RHOQ: variants seen among roughly 807,000 people sequenced by gnomAD.
RHOQ encodes rho-related GTP-binding protein RhoQ.
In RHOQ, 7 loss-of-function variants were observed where a neutral mutation model predicts 25.8. The observed-to-expected ratio is 0.27, with a 90% CI of 0.15 to 0.51. The LOEUF is 0.51. Ranked by LOEUF, RHOQ falls within the 20% of genes least tolerant of loss-of-function variation. The probability of loss-of-function intolerance (pLI) is 0.97; values close to 1 mark genes in which losing one functional copy is unlikely to be tolerated. For synonymous variants in RHOQ, 97 were observed against 98.6 expected, an observed-to-expected ratio of 0.98 and a Z score of 0.10; for missense variants, 165 against 260.6, an observed-to-expected ratio of 0.63 and a Z score of 2.53.
intron 2 of RHOQ, among the ~76,000 whole-genome samples, chr2:46,544,857 C>G (rs1465642657): frequency 6.6e-6 from 1 of 152,188 alleles, no homozygotes. Context: ...ATAAGATGAT[C>G]CCCTGGTGCA....
rs559692231 is a variant in RHOQ at position 46,581,520 on chromosome 2, C to A, written c.*437C>A. On this transcript the variant is annotated 3_prime_UTR_variant, in exon 5 of 5. Coordinates refer to ENST00000238738, the MANE Select transcript of RHOQ (RefSeq NM_012249.4). ...TAAGTTGCTTTCTATTCCAGTATAT[C>A]CAGAGTGGTGAAATAACAAGGCCAG... is the stretch of plus-strand genomic sequence containing the variant. The A allele has an allele frequency of 3.4e-5, 54 of 1,611,564 alleles. No individual in the cohort carries two copies. The African/African-American group carries it at 6.1e-4, about 18-fold the overall frequency.
Position 46,583,765 on chromosome 2 carries a change from G to A in RHOQ, c.*2682G>A, listed in dbSNP as rs546985414. Among the ~76,000 whole-genome samples, 1 of 152,028 alleles carries A rather than the reference G, an allele frequency of 6.6e-6. No individual in the cohort carries two copies. The highest frequency in any genetic ancestry group is 1.5e-5 in the Non-Finnish European group (1 of 67,990). ...ACTATTTCAAACTAGTGAAATATCT[G>A]GGAAATAAACTGCTTCAAAAATATT... On this transcript the variant is annotated 3_prime_UTR_variant, in exon 5 of 5. Transcript: ENST00000238738.
intron 2 of RHOQ, among the ~76,000 whole-genome samples, chr2:46,549,788 G>A (rs1269254661): frequency 2.0e-5 from 3 of 152,136 alleles, no homozygotes; most frequent in East Asian, 3.9e-4. Context: ...CGGCTCCCTG[G>A]GTAGAACGCT....
intron 4 of RHOQ, among the ~76,000 whole-genome samples, chr2:46,578,893 C>T (rs1558694303): frequency 8.2e-6 from 1 of 122,024 alleles, no homozygotes; most frequent in Non-Finnish European, 1.7e-5. Flanking sequence ...AATCATTTCA[C>T]TCGTGTGTGT....
chr2:46,561,955 A>T (rs1278569979), intron 2 of RHOQ, among the ~76,000 whole-genome samples: 3 of 152,134 alleles, frequency 2.0e-5, no homozygotes, highest in Admixed American at 2.0e-4. Flanking sequence ...CACTGTTCTC[A>T]TGACATCCCC....
intron 1 of RHOQ, 149 bp from the exon 2 acceptor site, chr2:46,543,605 C>G (rs2103972789): frequency 1.4e-6 from 1 of 691,258 alleles, no homozygotes; most frequent in Non-Finnish European, 2.6e-6. Context: ...AGTGAGCTGG[C>G]CGCACGGGAA....
At chr2:46,561,001 A>AACACACACACAC (rs61040858) in intron 2 of RHOQ, among the ~76,000 whole-genome samples, 1 of 141,256 alleles carries the variant, frequency 7.1e-6, no homozygotes, top group African/African-American at 2.6e-5. Context: ...AGACCCCATA[A>AACACACACACAC]ACACACACAC....
intron 2 of RHOQ, among the ~76,000 whole-genome samples, chr2:46,559,294 C>T (rs1668497174): frequency 6.6e-6 from 1 of 152,110 alleles, no homozygotes; most frequent in Admixed American, 6.5e-5. Flanking sequence ...CTGTACCTGT[C>T]TAGTTTGTTT....
At chr2:46,561,582 G>A (rs1458589165) in intron 2 of RHOQ, among the ~76,000 whole-genome samples, 1 of 152,136 alleles carries the variant, frequency 6.6e-6, no homozygotes. Flanking sequence ...GTGCCTTGAT[G>A]GAGAGATTAA....
intron 4 of RHOQ, among the ~76,000 whole-genome samples, chr2:46,578,568 C>CA (rs1669220527): frequency 3.1e-5 from 1 of 32,108 alleles, no homozygotes; most frequent in Non-Finnish European, 6.4e-5. Context: ...CCCATCTCTA[C>CA]CAAAAAAAAA....
chr2:46,581,410 T>C lies in RHOQ; in HGVS notation c.*327T>C. On this transcript the variant is annotated 3_prime_UTR_variant, in exon 5 of 5. Coordinates refer to ENST00000238738, the MANE Select transcript of RHOQ (RefSeq NM_012249.4). Reference sequence around the variant, plus strand: ...AGAGCTGTAAATGGAACTGCTTGGCTTTGACCATACACATTTCTGCCCAGC... The same window carrying C: ...AGAGCTGTAAATGGAACTGCTTGGCCTTGACCATACACATTTCTGCCCAGC... The C allele has an allele frequency of 6.4e-7, 1 of 1,564,820 alleles. No individual in the cohort carries two copies. The highest frequency in any genetic ancestry group is 8.7e-7 in the Non-Finnish European group (1 of 1,154,106).
chr2:46,562,914 C>T (rs973044506), intron 2 of RHOQ, among the ~76,000 whole-genome samples: 1 of 152,108 alleles, frequency 6.6e-6, no homozygotes, highest in African/African-American at 2.4e-5. Flanking sequence ...TTACTCTGCC[C>T]CAAATCTGCT....
intron 2 of RHOQ, among the ~76,000 whole-genome samples, chr2:46,549,139 T>A (rs570773219): frequency 6.6e-6 from 1 of 152,236 alleles, no homozygotes; most frequent in East Asian, 1.9e-4. Context: ...CTCCTGAGGT[T>A]TGGTGACATT....
Position 46,580,870 on chromosome 2 carries a change from T to C in RHOQ, c.463-58T>C, listed in dbSNP as rs532715658. The C allele has an allele frequency of 1.5e-5, 18 of 1,233,786 alleles. No homozygotes were observed. In the Admixed American group the frequency reaches 2.6e-4, roughly 18 times the overall value. The allele number at this position is 1,233,786 out of a possible 1,614,324, so 76.4% of individuals were successfully genotyped here. On this transcript the variant is annotated intron_variant, in intron 4 of 4. Coordinates refer to ENST00000238738, the MANE Select transcript of RHOQ (RefSeq NM_012249.4). ...TTTTCTTTATAATGATGTGTTTATG[T>C]CATGCCAATTGTATAAACATGATCT...
rs576806404 is a variant in RHOQ at position 46,569,915 on chromosome 2, A to C, written c.202-6172A>C. ...ACCTAAAAAAACCTTTCTCTTCCCCAAAATTTTCTTTAGTCCAAGAGTGCT... is the reference window on the plus strand; with the variant it reads ...ACCTAAAAAAACCTTTCTCTTCCCCCAAATTTTCTTTAGTCCAAGAGTGCT... On this transcript the variant is annotated intron_variant, in intron 2 of 4. Transcript: ENST00000238738. This position sits in a 1 kb window ranked among gnomAD's most constrained non-coding sequence, Gnocchi z 4.1. 5.9e-5 allele frequency among the ~76,000 whole-genome samples: 9 copies of C among 152,294 alleles called. No homozygotes were observed. The highest frequency in any genetic ancestry group is 1.9e-4 in the African/African-American group (8 of 41,582).
At chr2:46,575,245 T>G (rs183686546) in intron 2 of RHOQ, among the ~76,000 whole-genome samples, 1 of 152,162 alleles carries the variant, frequency 6.6e-6, no homozygotes, top group Admixed American at 6.5e-5. Flanking sequence ...TTTCATTTTA[T>G]GTACAGATGT....
intron 2 of RHOQ, among the ~76,000 whole-genome samples, chr2:46,562,328 C>T (rs761649064): frequency 1.9e-4 from 29 of 152,020 alleles, no homozygotes; most frequent in Non-Finnish European, 2.9e-4. Flanking sequence ...GTTGCTGACT[C>T]TAAGGCTTTT....
intron 1 of RHOQ, 90 bp downstream of exon 1, chr2:46,543,278 A>G (rs1489599013): frequency 1.4e-6 from 2 of 1,451,654 alleles, no homozygotes; most frequent in Non-Finnish European, 1.9e-6. Context: ...GCCTCCCCAG[A>G]GCGCACTCCT....
rs570319455 is a variant in RHOQ at position 46,556,195 on chromosome 2, A to G, written c.201+12383A>G. ...TTGTGTCTGGCTTCTTTCACTTAGC[A>G]TAACGTTTTCTAAGGTTCATCCATG... On this transcript the variant is annotated intron_variant, in intron 2 of 4. Transcript: ENST00000238738. This position sits in a 1 kb window ranked among gnomAD's most constrained non-coding sequence, Gnocchi z 4.9. Among the ~76,000 whole-genome samples, 41 of 152,278 alleles carry G rather than the reference A, an allele frequency of 2.7e-4. No homozygotes were observed. The South Asian group carries it at 3.1e-3, about 12-fold the overall frequency.
Sources: gnomAD v4.1 joint callset for allele counts (sites outside exome capture counted in the v4.1 genomes callset) on GRCh38, gnomAD v4.1.1 for gene constraint, Gnocchi (gnomAD v3.1) non-coding constraint, MANE v1.5 for transcripts, NCBI Gene and HGNC (gene_info 2026-07-23, HGNC 2026-07-21) for gene names.